The following PTPN3 variants were observed in gnomAD, a reference collection of about 807,000 sequenced individuals.
PTPN3 encodes the protein protein tyrosine phosphatase non-receptor type 3.
Under a neutral mutation model 132.7 loss-of-function variants are expected in PTPN3, and 96 were observed. That is an observed-to-expected ratio of 0.72 (90% CI 0.61 to 0.86). The LOEUF is 0.86. Among genes scored for constraint, PTPN3 ranks in the 40% least tolerant of loss-of-function variants. The pLI, the probability that PTPN3 is intolerant of heterozygous loss-of-function variation, is 0.00. For synonymous variants in PTPN3, 398 were observed against 429.0 expected, an observed-to-expected ratio of 0.93 and a Z score of 0.89; for missense variants, 1,125 against 1,159.6, an observed-to-expected ratio of 0.97 and a Z score of 0.43.
chr9:109,464,923 T>C (rs190113365), intron 1 of PTPN3, among the ~76,000 whole-genome samples: 2 of 152,202 alleles, frequency 1.3e-5, no homozygotes, highest in East Asian at 3.9e-4. Context: ...TTGTGTGTAG[T>C]GAGGGGAAGG....
chr9:109,381,724 C>T lies in PTPN3; in HGVS notation c.2592G>A (p.Arg864=), dbSNP rs755840613. Residue 864 remains arginine (R), a synonymous_variant, in exon 25 of 26, where the codon AGG becomes AGA. Coordinates refer to ENST00000374541, the MANE Select transcript of PTPN3 (RefSeq NM_002829.4). ...TATCCAGTGGGTAAATGGGCAGGTT[C>T]CTCTCAGTTAGGCACATGGCTGTTT... The part of the protein sequence containing the change: ...TMETAMCLTE[R]NLPIYPLDIV... The T allele has an allele frequency of 7.1e-5, 114 of 1,614,086 alleles. No individual in the cohort carries two copies. The highest frequency in any genetic ancestry group is 9.3e-5 in the Non-Finnish European group (110 of 1,180,002).
At chr9:109,390,153 T>C (rs1027667959) in intron 21 of PTPN3, among the ~76,000 whole-genome samples, 5 of 152,350 alleles carry the variant, frequency 3.3e-5, no homozygotes, top group Middle Eastern at 3.4e-3. Context: ...CTAATGTTTC[T>C]GATGCTCTGC....
the PTPN3 span, among the ~76,000 whole-genome samples, chr9:109,524,265 C>A: frequency 1.3e-5 from 2 of 151,116 alleles, no homozygotes; most frequent in Non-Finnish European, 2.9e-5. Context: ...AGCAGACAAA[C>A]AAACCAACCC....
At chr9:109,437,056 C>T in intron 8 of PTPN3, 86 bp from the exon 9 acceptor site, 1 of 1,568,406 alleles carries the variant, frequency 6.4e-7, no homozygotes, top group South Asian at 1.2e-5. Context: ...ACATTTGATA[C>T]CATTTCTGTA....
At position 109,436,958 on chromosome 9, in the gene PTPN3, T is replaced by C. The variant is rs776245851; in HGVS notation, c.600A>G (p.Gln200=). 1.9e-5 allele frequency: 30 copies of C among 1,614,112 alleles called. No individual in the cohort carries two copies. Among genetic ancestry groups the C allele is most frequent in the Non-Finnish European group, 2.4e-5 (28 of 1,179,982 alleles). ...TGATATAGCAGGATTCTGCTTCTGA[T>C]TGTTTTAGCCCACTACGGAAGAAAA... is the stretch of plus-strand genomic sequence containing the variant. ...SLHEQHSGLK[Q]SEAESCYINI... Residue 200 remains glutamine (Q), a synonymous_variant, in exon 9 of 26, where the codon CAA becomes CAG. Transcript: ENST00000374541.
At chr9:109,406,733 T>C in intron 17 of PTPN3, 115 bp from the exon 18 acceptor site, 1 of 1,313,352 alleles carries the variant, frequency 7.6e-7, no homozygotes. Flanking sequence ...TTGCCTTCTC[T>C]CCCTCGGGTA....
the PTPN3 span, among the ~76,000 whole-genome samples, chr9:109,538,038 T>C: frequency 2.2e-3 from 328 of 152,338 alleles, no homozygotes; most frequent in African/African-American, 7.3e-3. Flanking sequence ...GAATTTCTCC[T>C]AAAAGGGAGT....
At chr9:109,451,180 G>A in intron 5 of PTPN3, 1 of 963,600 alleles carries the variant, frequency 1.0e-6, no homozygotes, top group South Asian at 4.8e-5. Context: ...TTTGAGTCCA[G>A]GAGTTTGAGG....
the PTPN3 span, among the ~76,000 whole-genome samples, chr9:109,528,956 T>C: frequency 6.6e-6 from 1 of 152,222 alleles, no homozygotes; most frequent in South Asian, 2.1e-4. Flanking sequence ...TACTCTTGGC[T>C]GCCTACTCTT....
At chr9:109,420,163 A>G (rs960691764) in intron 14 of PTPN3, among the ~76,000 whole-genome samples, 2 of 152,222 alleles carry the variant, frequency 1.3e-5, no homozygotes, top group African/African-American at 2.4e-5. Flanking sequence ...GACTAATTCA[A>G]GAGACTAACA....
At chr9:109,535,311 C>T in the PTPN3 span, among the ~76,000 whole-genome samples, 1 of 152,112 alleles carries the variant, frequency 6.6e-6, no homozygotes, top group Non-Finnish European at 1.5e-5. Context: ...GGTCCAGGAA[C>T]CTCCCTGCTG....
chr9:109,452,225 G>A (rs1232820846), intron 5 of PTPN3, among the ~76,000 whole-genome samples: 30 of 130,996 alleles, frequency 2.3e-4, no homozygotes, highest in East Asian at 9.3e-4. Context: ...CTGAGAGCGC[G>A]CCACTGCACT....
chr9:109,493,954 A>G (rs918598355), intron 1 of PTPN3, among the ~76,000 whole-genome samples: 1 of 152,242 alleles, frequency 6.6e-6, no homozygotes. Flanking sequence ...CACTCACAAC[A>G]GTGTGTGGCA....
chr9:109,470,634 T>G (rs1011062458), intron 1 of PTPN3, among the ~76,000 whole-genome samples: 3 of 151,208 alleles, frequency 2.0e-5, no homozygotes, highest in Non-Finnish European at 2.9e-5. Flanking sequence ...AGGTCAAGGC[T>G]GCAGGGAGCT....
chr9:109,464,203 C>T (rs1004647562), intron 1 of PTPN3, among the ~76,000 whole-genome samples: 6 of 152,136 alleles, frequency 3.9e-5, no homozygotes, highest in African/African-American at 1.4e-4. Context: ...AACCACTGTA[C>T]GATGGAAAAC....
Position 109,463,469 on chromosome 9 carries a change from C to G in PTPN3, c.-17-18G>C, listed in dbSNP as rs1280254958. ...TGAATAACCTGTAACATAAAATATA[C>G]CTGTTAGTGCTTTAATATGCGAATT... is the stretch of plus-strand genomic sequence containing the variant. On this transcript the variant is annotated intron_variant, in intron 1 of 25. Transcript: ENST00000374541. The G allele has an allele frequency of 6.3e-7, 1 of 1,590,278 alleles. No homozygotes were observed. Among genetic ancestry groups the G allele is most frequent in the Non-Finnish European group, 8.6e-7 (1 of 1,169,492 alleles).
At chr9:109,531,195 C>T in the PTPN3 span, among the ~76,000 whole-genome samples, 1 of 152,172 alleles carries the variant, frequency 6.6e-6, no homozygotes, top group African/African-American at 2.4e-5. Flanking sequence ...GATGTCATCT[C>T]GATCTAACCC....
At chr9:109,387,905 T>C (rs1054264794) in intron 22 of PTPN3, among the ~76,000 whole-genome samples, 1 of 151,928 alleles carries the variant, frequency 6.6e-6, no homozygotes, top group Non-Finnish European at 1.5e-5. Context: ...AGAAAAACAT[T>C]TTGGGTGGGA....
chr9:109,502,079 T>C (rs920226138), upstream of PTPN3, among the ~76,000 whole-genome samples: 2 of 152,138 alleles, frequency 1.3e-5, no homozygotes, highest in African/African-American at 4.8e-5. Context: ...CGCTACAAAC[T>C]GAATATACAT....
Sources: allele counts gnomAD v4.1 joint callset (sites outside exome capture counted in the v4.1 genomes callset), GRCh38; gene constraint gnomAD v4.1.1; transcripts MANE v1.5; gene names NCBI Gene and HGNC (gene_info 2026-07-23, HGNC 2026-07-21).